Variants in MAP3K9 observed in about 807,000 individuals in gnomAD.
MAP3K9 encodes the protein mitogen-activated protein kinase kinase kinase 9, also known as mixed lineage kinase 1 (tyr and ser/thr specificity).
MAP3K9 carries 46 observed loss-of-function variants against 95.8 expected under a neutral mutation model. That is an observed-to-expected ratio of 0.48 (90% CI 0.38 to 0.61). The LOEUF (loss-of-function observed/expected upper bound fraction) is 0.61. Among genes scored for constraint, MAP3K9 ranks in the 20% least tolerant of loss-of-function variants. MAP3K9 has a pLI of 0.00. For synonymous variants in MAP3K9, 533 were observed against 593.8 expected (o/e 0.90, Z 1.49); for missense variants, 1,296 against 1,474.3 (o/e 0.88, Z 1.98).
At chr14:70,783,751 T>A (rs1184856549) in intron 2 of MAP3K9, among the ~76,000 whole-genome samples, 1 of 152,186 alleles carries the variant, frequency 6.6e-6, no homozygotes, top group African/African-American at 2.4e-5. Context: ...TCACGCATGG[T>A]CCATTTGGCC....
intron 2 of MAP3K9, among the ~76,000 whole-genome samples, chr14:70,778,294 T>G (rs2054626716): frequency 1.7e-5 from 2 of 116,424 alleles, no homozygotes; most frequent in East Asian, 4.5e-4. Flanking sequence ...TTTTTTTTTT[T>G]GAGACGGAGT....
At chr14:70,792,572 T>C (rs887940331) in intron 2 of MAP3K9, among the ~76,000 whole-genome samples, 7 of 152,234 alleles carry the variant, frequency 4.6e-5, no homozygotes, top group African/African-American at 1.7e-4. Flanking sequence ...AAAAAACTGC[T>C]TTTACAGCTA....
At chr14:70,765,366 G>A in intron 2 of MAP3K9, 1 of 473,096 alleles carries the variant, frequency 2.1e-6, no homozygotes, top group South Asian at 3.9e-5. Flanking sequence ...TGTAGCCTAA[G>A]TGTACAGTGT....
chr14:70,753,370 C>T (rs901976727), intron 3 of MAP3K9, among the ~76,000 whole-genome samples: 3 of 152,174 alleles, frequency 2.0e-5, no homozygotes, highest in East Asian at 1.9e-4. Flanking sequence ...CTGGGGCTGA[C>T]TAAACTAGTT....
intron 2 of MAP3K9, among the ~76,000 whole-genome samples, chr14:70,792,248 T>C (rs2139844840): frequency 6.6e-6 from 1 of 152,328 alleles, no homozygotes; most frequent in South Asian, 2.1e-4. Context: ...TCCAATTCTC[T>C]GAGCGCTTGT....
rs1332905145 is a variant in MAP3K9, at chr14:70,805,633, T to C, written c.406+3133A>G. 2.0e-5 allele frequency among the ~76,000 whole-genome samples: 3 copies of C among 152,224 alleles called. No individual in the cohort carries two copies. In the East Asian group the frequency reaches 5.8e-4, roughly 29 times the overall value. ...TTTCCCCTTCTGTTTTGAATAAAGT[T>C]TGAGGCCAGATACAGTGGCTTATGC... On this transcript the variant is annotated intron_variant, in intron 1 of 11. Coordinates refer to ENST00000554752, the MANE Select transcript of MAP3K9 (RefSeq NM_001284230.2).
chr14:70,776,227 CACAG>C (rs1279040059), intron 2 of MAP3K9, among the ~76,000 whole-genome samples: 2 of 151,946 alleles, frequency 1.3e-5, no homozygotes, highest in Non-Finnish European at 2.9e-5. Context: ...TTGGGAAGCT[CACAG>C]ACACTCAGGA....
At chr14:70,738,114 G>T in intron 8 of MAP3K9, 131 bp downstream of exon 8, 2 of 1,060,724 alleles carry the variant, frequency 1.9e-6, no homozygotes, top group East Asian at 2.7e-5. Flanking sequence ...CTGTTGTAAA[G>T]ATCAAGAAGC....
chr14:70,808,851 G>T lies in MAP3K9; in HGVS notation c.321C>A (p.Pro107=), dbSNP rs1403587816. 1 of 1,600,286 alleles carries T rather than the reference G, an allele frequency of 6.2e-7. No homozygotes were observed. The highest frequency in any genetic ancestry group is 1.1e-5 in the South Asian group (1 of 88,652). The change falls in exon 1 of 12, where the codon CCC becomes CCA. Residue 107 remains proline (P), a synonymous_variant. Coordinates refer to ENST00000554752, the MANE Select transcript of MAP3K9 (RefSeq NM_001284230.2). The stretch of plus-strand genomic sequence containing the variant: ...CGCTGCGCGGGGTCACGTAGTTGCT[G>T]GGGAAGATGCCCACCCGCTGGTTCA... ...GQLNQRVGIF[P]SNYVTPRSAF... is the part of the protein sequence containing the mutation.
Position 70,800,307 on chromosome 14 carries a change from G to T in MAP3K9, c.820+360C>A, listed in dbSNP as rs1303697913. ...ATAATAAAGGCTTGCTCTACCTCTT[G>T]TTCCACAAAGAGGAAAATCCCTTTT... is the stretch of plus-strand genomic sequence containing the variant. On this transcript the variant is annotated intron_variant, in intron 2 of 11. Transcript: ENST00000554752. 2.6e-5 allele frequency among the ~76,000 whole-genome samples: 4 copies of T among 152,140 alleles called. No homozygotes were observed. The East Asian group carries it at 7.7e-4, about 29-fold the overall frequency.
intron 5 of MAP3K9, among the ~76,000 whole-genome samples, chr14:70,745,489 G>C (rs1031866628): frequency 6.6e-6 from 1 of 152,166 alleles, no homozygotes; most frequent in Non-Finnish European, 1.5e-5. Context: ...TGTAATCCCA[G>C]CACTTTGGGA....
intron 3 of MAP3K9, among the ~76,000 whole-genome samples, chr14:70,753,654 C>G (rs1033061763): frequency 1.3e-5 from 2 of 152,150 alleles, no homozygotes; most frequent in African/African-American, 4.8e-5. Context: ...TAAGTCACTG[C>G]CTCTGAGTAC....
chr14:70,745,212 C>T (rs538985970), intron 5 of MAP3K9, among the ~76,000 whole-genome samples: 39 of 152,228 alleles, frequency 2.6e-4, no homozygotes, highest in African/African-American at 9.2e-4. Context: ...CGAAACCTAA[C>T]TTCTTAATGA....
chr14:70,763,427 A>G (rs373220145), intron 2 of MAP3K9, among the ~76,000 whole-genome samples: 8 of 152,212 alleles, frequency 5.3e-5, no homozygotes, highest in East Asian at 3.8e-4. Context: ...GCTGTAAACA[A>G]ACCTACTGTG....
intron 10 of MAP3K9, chr14:70,733,718 C>T: frequency 1.4e-6 from 1 of 718,214 alleles, no homozygotes; most frequent in Non-Finnish European, 2.6e-6. Context: ...CCAGGGGAGA[C>T]TAAGATGGGA....
At chr14:70,772,293 G>C (rs183093653) in intron 2 of MAP3K9, among the ~76,000 whole-genome samples, 1 of 152,336 alleles carries the variant, frequency 6.6e-6, no homozygotes, top group African/African-American at 2.4e-5. Context: ...AAGGTGGAGA[G>C]AATTGGCTCC....
intron 2 of MAP3K9, among the ~76,000 whole-genome samples, chr14:70,774,161 G>A (rs1262170319): frequency 6.6e-6 from 1 of 152,144 alleles, no homozygotes; most frequent in East Asian, 1.9e-4. Flanking sequence ...CACATGTACT[G>A]AAAGCCTGTA....
In MAP3K9 at chr14:70,729,403, T is replaced by C. The variant is rs1169752596; in HGVS notation, c.*977A>G. ...CCAAAAGCCCACAAACTCCAGGGAT[T>C]AGAGTGAAGACCAAAGGAAGGGAGT... is the stretch of plus-strand genomic sequence containing the variant. On this transcript the variant is annotated 3_prime_UTR_variant, in exon 12 of 12. Coordinates refer to ENST00000554752, the MANE Select transcript of MAP3K9 (RefSeq NM_001284230.2). The C allele has an allele frequency of 6.6e-6, 1 of 152,196 alleles. No individual in the cohort carries two copies. The highest frequency in any genetic ancestry group is 1.5e-5 in the Non-Finnish European group (1 of 68,074). The allele number at this position is 152,196 out of a possible 1,614,324, so 9.4% of individuals were successfully genotyped here. A position where few individuals can be genotyped will look rare whatever the true frequency, so the allele number is the denominator to read the frequency against.
Position 70,732,041 on chromosome 14 carries a change from T to G in MAP3K9, c.2830+498A>C, listed in dbSNP as rs75902769. On this transcript the variant is annotated intron_variant, in intron 11 of 11. Transcript: ENST00000554752. ...GGCAGGTATGAGTCAGGGGTGAGTG[T>G]TGAAGAGTGTGATGAATGGGTGGAA... Among the ~76,000 whole-genome samples the G allele has an allele frequency of 1.1e-4, 17 of 152,258 alleles. No individual in the cohort carries two copies. The East Asian group carries it at 1.5e-3, about 14-fold the overall frequency.
Sources: gnomAD v4.1 joint callset for allele counts (sites outside exome capture counted in the v4.1 genomes callset) on GRCh38, gnomAD v4.1.1 for gene constraint, MANE v1.5 for transcripts, NCBI Gene and HGNC (gene_info 2026-07-23, HGNC 2026-07-21) for gene names.